Variants in DYNC1I1 observed in about 807,000 individuals in gnomAD.
DYNC1I1 encodes cytoplasmic dynein 1 intermediate chain 1.
DYNC1I1 carries 43 observed loss-of-function variants against 86.6 expected under a neutral mutation model. The observed-to-expected ratio is 0.50, with a 90% CI of 0.39 to 0.64. The LOEUF is 0.64. Ranked by LOEUF, DYNC1I1 falls within the 30% of genes least tolerant of loss-of-function variation. DYNC1I1 has a pLI of 0.00. For synonymous variants in DYNC1I1, 262 were observed against 283.7 expected, an observed-to-expected ratio of 0.92 and a Z score of 0.77; for missense variants, 604 against 788.8, an observed-to-expected ratio of 0.77 and a Z score of 2.81.
chr7:96,018,695 G>A (rs1794459535), intron 10 of DYNC1I1, among the ~76,000 whole-genome samples: 1 of 152,086 alleles, frequency 6.6e-6, no homozygotes. Flanking sequence ...TTATTTCTGT[G>A]GGGAGGAGAA....
chr7:96,019,953 A>G, intron 10 of DYNC1I1, among the ~76,000 whole-genome samples: 1 of 152,088 alleles, frequency 6.6e-6, no homozygotes, highest in East Asian at 1.9e-4. Flanking sequence ...CCTAATTCAA[A>G]TCTTCCAACA....
At chr7:95,946,454 T>C (rs1198091799) in intron 6 of DYNC1I1, among the ~76,000 whole-genome samples, 1 of 152,044 alleles carries the variant, frequency 6.6e-6, no homozygotes, top group Non-Finnish European at 1.5e-5. Flanking sequence ...TGTAGATAAA[T>C]ATAACTAAAC....
chr7:95,893,696 A>G (rs1243827742), intron 6 of DYNC1I1, among the ~76,000 whole-genome samples: 1 of 152,250 alleles, frequency 6.6e-6, no homozygotes, highest in Admixed American at 6.5e-5. Flanking sequence ...TGCAAAACCT[A>G]GAGATCTAGG....
intron 6 of DYNC1I1, among the ~76,000 whole-genome samples, chr7:95,938,165 G>C (rs941733744): frequency 1.3e-5 from 2 of 152,116 alleles, no homozygotes; most frequent in Non-Finnish European, 2.9e-5. Flanking sequence ...ATTTGCATTA[G>C]CCCAGAAGGG....
chr7:95,810,179 A>G (rs1794795824), intron 2 of DYNC1I1, among the ~76,000 whole-genome samples: 1 of 152,140 alleles, frequency 6.6e-6, no homozygotes, highest in Admixed American at 6.5e-5. Context: ...TGATAGAAGC[A>G]GGAAAAAGCC....
intron 6 of DYNC1I1, among the ~76,000 whole-genome samples, chr7:95,871,223 T>C (rs1790155660): frequency 6.6e-6 from 1 of 152,146 alleles, no homozygotes; most frequent in African/African-American, 2.4e-5. Flanking sequence ...TAGCAGGGCC[T>C]CCATTTCTCA....
At chr7:95,922,736 C>T (rs1024075257) in intron 6 of DYNC1I1, among the ~76,000 whole-genome samples, 4 of 151,996 alleles carry the variant, frequency 2.6e-5, no homozygotes, top group African/African-American at 7.3e-5. Flanking sequence ...CAGCAGCCCC[C>T]GGTCAAACCA....
intron 6 of DYNC1I1, among the ~76,000 whole-genome samples, chr7:95,960,313 G>T (rs1487554990): frequency 6.6e-6 from 1 of 151,904 alleles, no homozygotes; most frequent in Admixed American, 6.6e-5. Flanking sequence ...CATCTTGTTG[G>T]ATAGGCTGGT....
At chr7:95,875,594 T>C (rs1268250781) in intron 6 of DYNC1I1, among the ~76,000 whole-genome samples, 3 of 152,158 alleles carry the variant, frequency 2.0e-5, no homozygotes, top group Non-Finnish European at 2.9e-5. Flanking sequence ...TCATGGTCAA[T>C]TGTAGAGGGA....
At chr7:95,825,998 A>T (rs1336977835) in intron 4 of DYNC1I1, among the ~76,000 whole-genome samples, 2 of 152,164 alleles carry the variant, frequency 1.3e-5, no homozygotes, top group Non-Finnish European at 2.9e-5. Context: ...ATGAACATGA[A>T]AGCTTGAGAA....
At chr7:95,847,507 AT>A (rs1196029052) in intron 5 of DYNC1I1, among the ~76,000 whole-genome samples, 1 of 152,160 alleles carries the variant, frequency 6.6e-6, no homozygotes, top group East Asian at 1.9e-4. Flanking sequence ...TTTAGACTAT[AT>A]TTTTTTACAT....
At chr7:96,068,934 C>T (rs1790077470) in intron 14 of DYNC1I1, among the ~76,000 whole-genome samples, 1 of 152,118 alleles carries the variant, frequency 6.6e-6, no homozygotes, top group African/African-American at 2.4e-5. Context: ...AATGTGGTTG[C>T]ACAATTTGAC....
chr7:95,974,669 G>T (rs556437263), intron 6 of DYNC1I1, among the ~76,000 whole-genome samples: 2 of 152,102 alleles, frequency 1.3e-5, no homozygotes, highest in Admixed American at 1.3e-4. Flanking sequence ...AGCATTGCCG[G>T]CCAGGTCTCA....
At chr7:95,920,006 G>A (rs1791568961) in intron 6 of DYNC1I1, among the ~76,000 whole-genome samples, 1 of 152,150 alleles carries the variant, frequency 6.6e-6, no homozygotes, top group Non-Finnish European at 1.5e-5. Flanking sequence ...TGTAAATTTT[G>A]TATCTTCAAG....
At chr7:95,801,699 A>G (rs555617451) in intron 1 of DYNC1I1, among the ~76,000 whole-genome samples, 2 of 152,338 alleles carry the variant, frequency 1.3e-5, no homozygotes, top group African/African-American at 4.8e-5. Flanking sequence ...AAAAATTTCC[A>G]GCACACTAGT....
chr7:96,049,033 G>A (rs886422966), intron 14 of DYNC1I1, among the ~76,000 whole-genome samples: 1 of 152,092 alleles, frequency 6.6e-6, no homozygotes, highest in African/African-American at 2.4e-5. Flanking sequence ...GCCGAGGCAG[G>A]CAGATCACAA....
At chr7:95,927,618 A>G (rs1165684529) in intron 6 of DYNC1I1, among the ~76,000 whole-genome samples, 1 of 152,086 alleles carries the variant, frequency 6.6e-6, no homozygotes, top group Non-Finnish European at 1.5e-5. Flanking sequence ...GATGGGGGAG[A>G]GAGTGAGAGG....
At chr7:96,040,615 C>G (rs1789012250) in intron 14 of DYNC1I1, among the ~76,000 whole-genome samples, 1 of 151,978 alleles carries the variant, frequency 6.6e-6, no homozygotes, top group African/African-American at 2.4e-5. Flanking sequence ...AGAGGCATTT[C>G]AAGATCTCCA....
intron 14 of DYNC1I1, among the ~76,000 whole-genome samples, chr7:96,061,636 T>G (rs1010678307): frequency 2.0e-5 from 3 of 150,964 alleles, no homozygotes; most frequent in African/African-American, 7.4e-5. Context: ...GAGTGCTTGA[T>G]TTGGTATGGA....
Sources: allele counts gnomAD v4.1 joint callset (sites outside exome capture counted in the v4.1 genomes callset), GRCh38; gene constraint gnomAD v4.1.1; transcripts MANE v1.5; gene names NCBI Gene and HGNC (gene_info 2026-07-23, HGNC 2026-07-21).